BRSK1: variants seen among roughly 807,000 people sequenced by gnomAD.
The protein encoded by BRSK1 is BR serine/threonine kinase 1.
BRSK1 carries 17 observed loss-of-function variants against 86.2 expected under a neutral mutation model. That is an observed-to-expected ratio of 0.20 (90% CI 0.14 to 0.30). BRSK1 has a LOEUF of 0.30. Ranked by LOEUF, BRSK1 falls within the 10% of genes least tolerant of loss-of-function variation. BRSK1 has a pLI of 1.00. For missense variants in BRSK1, 719 were observed against 1,071.9 expected (o/e 0.67, Z 4.60); for synonymous variants, 464 against 440.1 (o/e 1.05, Z -0.68).
rs2088669989 is a variant in BRSK1 at position 55,307,457 on chromosome 19, G to A, written c.2089+1007G>A. On this transcript the variant is annotated intron_variant, in intron 17 of 18. Transcript: ENST00000309383. ...CCAGCTACTCAGGAGGCTGAGGCAG[G>A]AGAATCGCTTGAACTCAGGAGGCAG... Among the ~76,000 whole-genome samples the A allele has an allele frequency of 2.0e-5, 3 of 148,300 alleles. No homozygotes were observed. In the Admixed American group the frequency reaches 2.1e-4, roughly 10 times the overall value.
At position 55,301,643 on chromosome 19, in the gene BRSK1, C is replaced by A. The variant is rs760292580; in HGVS notation, c.810C>A (p.Pro270=). 1.2e-6 allele frequency: 2 copies of A among 1,610,112 alleles called. No homozygotes were observed. The highest frequency in any genetic ancestry group is 2.7e-5 in the African/African-American group (2 of 74,570). Residue 270 remains proline, a synonymous_variant, in exon 8 of 19, where the codon CCC becomes CCA. Coordinates refer to ENST00000309383, the MANE Select transcript of BRSK1 (RefSeq NM_032430.2). ...TGAGGGGAATGATCGAAGTGGAGCCCGAAAAAAGGCTCAGTGTGAGTTGAG... is the reference window on the plus strand; with the variant it reads ...TGAGGGGAATGATCGAAGTGGAGCCAGAAAAAAGGCTCAGTGTGAGTTGAG... ...SLLRGMIEVE[P]EKRLSLEQIQ... is the part of the protein sequence containing the mutation.
rs1395930446 is a variant in BRSK1 at position 55,284,095 on chromosome 19, G to A, written c.-348G>A. Reference sequence around the variant, plus strand: ...GAGAGAGGGCGCGTGGGGGGGCGGGGGGGACCTCGGCCTGCAGCATCCGCC... The same window carrying A: ...GAGAGAGGGCGCGTGGGGGGGCGGGAGGGACCTCGGCCTGCAGCATCCGCC... On this transcript the variant is annotated 5_prime_UTR_variant, in exon 1 of 19. Coordinates refer to ENST00000309383, the MANE Select transcript of BRSK1 (RefSeq NM_032430.2). The A allele has an allele frequency of 2.7e-5, 11 of 401,956 alleles. No homozygotes were observed. The highest frequency in any genetic ancestry group is 6.2e-5 in the African/African-American group (3 of 48,324). 24.9% of individuals were successfully genotyped at this position (401,956 alleles called of 1,614,324 possible).
At chr19:55,299,520 G>C (rs1937708777) in intron 7 of BRSK1, among the ~76,000 whole-genome samples, 1 of 151,778 alleles carries the variant, frequency 6.6e-6, no homozygotes, top group African/African-American at 2.4e-5. Flanking sequence ...CGAGTAGCTG[G>C]GATTACAGGC....
Position 55,303,512 on chromosome 19 carries a change from G to A in BRSK1, c.1126+104G>A. The A allele has an allele frequency of 6.7e-7, 1 of 1,493,498 alleles. No individual in the cohort carries two copies. The highest frequency in any genetic ancestry group is 1.1e-5 in the South Asian group (1 of 87,250). The allele number at this position is 1,493,498 out of a possible 1,614,324, so 92.5% of individuals were successfully genotyped here. A position where few individuals can be genotyped will look rare whatever the true frequency, so the allele number is the denominator to read the frequency against. On this transcript the variant is annotated intron_variant, in intron 11 of 18. Coordinates refer to ENST00000309383, the MANE Select transcript of BRSK1 (RefSeq NM_032430.2). This position sits in a 1 kb window ranked among gnomAD's most constrained non-coding sequence, Gnocchi z 5.1. The stretch of plus-strand genomic sequence containing the variant: ...AAGGAAAGAAGGGGCTGCAGGCTCT[G>A]AGCTTCCAGCTTTAGACTGCTTGAC...
At chr19:55,301,406 TCA>T in intron 7 of BRSK1, 104 bp from the exon 8 acceptor site, 1 of 1,388,042 alleles carries the variant, frequency 7.2e-7, no homozygotes, top group Non-Finnish European at 9.7e-7. Context: ...TCTCTGTGCC[TCA>T]GTTTCCAACC....
intron 7 of BRSK1, among the ~76,000 whole-genome samples, chr19:55,295,256 G>A (rs2088469458): frequency 6.6e-6 from 1 of 152,078 alleles, no homozygotes; most frequent in Non-Finnish European, 1.5e-5. Flanking sequence ...CCGAGCAGCT[G>A]GGATTATAGG....
chr19:55,295,953 A>C (rs988516737), intron 7 of BRSK1, among the ~76,000 whole-genome samples: 1 of 152,176 alleles, frequency 6.6e-6, no homozygotes, highest in Non-Finnish European at 1.5e-5. Flanking sequence ...TGGGCGACAG[A>C]GTGAGACCCT....
chr19:55,306,764 A>C lies in BRSK1; in HGVS notation c.2089+314A>C, dbSNP rs1316632888. Among the ~76,000 whole-genome samples, 1 of 152,200 alleles carries C rather than the reference A, an allele frequency of 6.6e-6. No homozygotes were observed. Among genetic ancestry groups the C allele is most frequent in the South Asian group, 2.1e-4 (1 of 4,832 alleles). Reference sequence around the variant, plus strand: ...AGAAAACTGAGTCATAGGGAGGTCAATGGACTTGGCCAGAGTCACACAATA... The same window carrying C: ...AGAAAACTGAGTCATAGGGAGGTCACTGGACTTGGCCAGAGTCACACAATA... On this transcript the variant is annotated intron_variant, in intron 17 of 18. Coordinates refer to ENST00000309383, the MANE Select transcript of BRSK1 (RefSeq NM_032430.2). The surrounding 1 kb of genome is among the most constrained non-coding windows in gnomAD (Gnocchi z 4.7).
Position 55,304,445 on chromosome 19 carries a change from CA to C in BRSK1, c.1348-105del. 6 of 1,296,668 alleles carry C rather than the reference CA, an allele frequency of 4.6e-6. No individual in the cohort carries two copies. The highest frequency in any genetic ancestry group is 6.2e-6 in the Non-Finnish European group (6 of 969,186). 80.3% of individuals were successfully genotyped at this position (1,296,668 alleles called of 1,614,324 possible). A position where few individuals can be genotyped will look rare whatever the true frequency, so the allele number is the denominator to read the frequency against. ...AGGAGGATACTTGGACTACAAGTTGCAGCATGCACCGGGCCAGCGTCCGTGA... is the reference window on the plus strand; with the variant it reads ...AGGAGGATACTTGGACTACAAGTTGCGCATGCACCGGGCCAGCGTCCGTGA... On this transcript the variant is annotated intron_variant, in intron 13 of 18. Coordinates refer to ENST00000309383, the MANE Select transcript of BRSK1 (RefSeq NM_032430.2). This position sits in a 1 kb window ranked among gnomAD's most constrained non-coding sequence, Gnocchi z 5.2.
intron 7 of BRSK1, among the ~76,000 whole-genome samples, chr19:55,295,815 A>G (rs2088478214): frequency 6.6e-6 from 1 of 152,140 alleles, no homozygotes; most frequent in South Asian, 2.1e-4. Context: ...CTAGAAATAC[A>G]AAAACTAGCC....
At position 55,303,793 on chromosome 19, in the gene BRSK1, G is replaced by A. The variant is rs759115649; in HGVS notation, c.1253G>A (p.Arg418Gln). Residue 418 changes from arginine to glutamine, a missense_variant, in exon 12 of 19, where the codon CGA (arginine) becomes CAA (glutamine). Coordinates refer to ENST00000309383, the MANE Select transcript of BRSK1 (RefSeq NM_032430.2). The surrounding 1 kb of genome is among the most constrained non-coding windows in gnomAD (Gnocchi z 5.1). ...GGTGGTGGCTCCCCTGTACCCACCC[G>A]ACGGGCCTTGGAGATGGCCCAGCAC... Reference protein sequence around the residue: ...AGGGGSPVPTRRALEMAQHSQ... With the variant: ...AGGGGSPVPTQRALEMAQHSQ... The A allele has an allele frequency of 1.1e-5, 18 of 1,599,346 alleles. No individual in the cohort carries two copies. Among genetic ancestry groups the A allele is most frequent in the Non-Finnish European group, 1.5e-5 (18 of 1,172,254 alleles).
chr19:55,284,164 CG>C lies in BRSK1; in HGVS notation c.-273del, dbSNP rs1429447289. The stretch of plus-strand genomic sequence containing the variant: ...CCCCGGCGGGGGGAGGCGCAGGAAG[CG>C]GGGGGCCGGCCAGAAACGGGCTGGG... On this transcript the variant is annotated 5_prime_UTR_variant, in exon 1 of 19. An upstream open reading frame in the 5' UTR loses its in-frame stop. Coordinates refer to ENST00000309383, the MANE Select transcript of BRSK1 (RefSeq NM_032430.2). The C allele has an allele frequency of 1.6e-5, 13 of 819,866 alleles. No individual in the cohort carries two copies. The highest frequency in any genetic ancestry group is 1.2e-4 in the South Asian group (2 of 16,344). 50.8% of individuals were successfully genotyped at this position (819,866 alleles called of 1,614,324 possible). A position where few individuals can be genotyped will look rare whatever the true frequency, so the allele number is the denominator to read the frequency against.
Position 55,304,066 on chromosome 19 carries a change from G to T in BRSK1, c.1303G>T (p.Gly435Ter). 1 of 1,612,206 alleles carries T rather than the reference G, an allele frequency of 6.2e-7. No homozygotes were observed. Residue 435 changes from glycine (G) to a stop codon, truncating the protein, a stop_gained, in exon 13 of 19, where the codon GGA (glycine) becomes TGA (stop). Transcript: ENST00000309383. LOFTEE classifies it high-confidence loss of function. The surrounding 1 kb of genome is among the most constrained non-coding windows in gnomAD (Gnocchi z 5.2). The part of the protein sequence containing the change: ...QHSQRSRSVS[G>*]ASTGLSSSPL... Reference sequence around the variant, plus strand: ...TGGAAACAGATCCCGTAGCGTCAGTGGAGCCTCCACGGGTCTGTCCTCCAG... The same window carrying T: ...TGGAAACAGATCCCGTAGCGTCAGTTGAGCCTCCACGGGTCTGTCCTCCAG...
At chr19:55,305,705 G>A (rs981745224) in intron 16 of BRSK1, 119 bp downstream of exon 16, 7 of 1,471,632 alleles carry the variant, frequency 4.8e-6, no homozygotes, top group African/African-American at 2.8e-5. Context: ...GGGATTTGTA[G>A]TTTTATGGCC....
At chr19:55,286,936 AG>A in intron 1 of BRSK1, 70 bp from the exon 2 acceptor site, 1 of 1,450,564 alleles carries the variant, frequency 6.9e-7, no homozygotes. Flanking sequence ...AGGGTGGCCA[AG>A]GGGGGACATA....
chr19:55,293,682 G>A (rs1174446986), intron 4 of BRSK1, among the ~76,000 whole-genome samples: 1 of 143,850 alleles, frequency 7.0e-6, no homozygotes, highest in Non-Finnish European at 1.5e-5. Flanking sequence ...ATGGTGGTGC[G>A]GCCTGTAGTC....
At position 55,305,475 on chromosome 19, in the gene BRSK1, C is replaced by T; in HGVS notation, c.1779C>T (p.Arg593=). 6.2e-7 allele frequency: 1 copy of T among 1,614,188 alleles called. No individual in the cohort carries two copies. The highest frequency in any genetic ancestry group is 8.5e-7 in the Non-Finnish European group (1 of 1,180,024). The change falls in exon 16 of 19, where the codon CGC becomes CGT. Residue 593 remains arginine (R), a synonymous_variant. Transcript: ENST00000309383. The stretch of plus-strand genomic sequence containing the variant: ...CCCTCCCACTCAGGCTGGCAAAACG[C>T]TCCTGGTTCGGGAACTTCATCTCCT... ...TPESSPELAK[R]SWFGNFISLD... is the part of the protein sequence containing the mutation.
At chr19:55,290,182 G>C (rs747134743) in intron 4 of BRSK1, among the ~76,000 whole-genome samples, 1 of 152,234 alleles carries the variant, frequency 6.6e-6, no homozygotes, top group Admixed American at 6.5e-5. Context: ...TTTTAGTAAA[G>C]TCGGGGTTTC....
At chr19:55,308,169 C>T (rs866771349) in intron 17 of BRSK1, among the ~76,000 whole-genome samples, 4 of 151,436 alleles carry the variant, frequency 2.6e-5, no homozygotes, top group Middle Eastern at 3.2e-3. Context: ...TACAGGCATG[C>T]GTCACCATGC....
Sources: gnomAD v4.1 joint callset for allele counts (sites outside exome capture counted in the v4.1 genomes callset) on GRCh38, gnomAD v4.1.1 for gene constraint, Gnocchi (gnomAD v3.1) non-coding constraint, MANE v1.5 for transcripts, NCBI Gene and HGNC (gene_info 2026-07-23, HGNC 2026-07-21) for gene names.